Variants in PUM1 observed in about 807,000 individuals in gnomAD.
PUM1 encodes pumilio homolog 1.
Under a neutral mutation model 131.8 loss-of-function variants are expected in PUM1, and 13 were observed. That is an observed-to-expected ratio of 0.10 (90% confidence interval 0.06 to 0.16). The LOEUF (loss-of-function observed/expected upper bound fraction) is 0.16. Among genes scored for constraint, PUM1 ranks in the 10% least tolerant of loss-of-function variants. The pLI is 1.00. For synonymous variants in PUM1, 509 were observed against 556.5 expected (o/e 0.91, Z 1.20); for missense variants, 961 against 1,512.4 (o/e 0.64, Z 6.05).
At chr1:31,027,574 A>G (rs1433525678) in intron 3 of PUM1, among the ~76,000 whole-genome samples, 1 of 152,150 alleles carries the variant, frequency 6.6e-6, no homozygotes, top group African/African-American at 2.4e-5. Flanking sequence ...AGGAAAACAG[A>G]CCAAAAATGC....
chr1:30,937,982 G>C (rs530781548), intron 20 of PUM1, among the ~76,000 whole-genome samples: 20 of 152,042 alleles, frequency 1.3e-4, no homozygotes, highest in African/African-American at 4.1e-4. Flanking sequence ...ATGTTGGTCA[G>C]GCTGGGCTCA....
chr1:30,940,142 T>C (rs1350294033), intron 20 of PUM1, among the ~76,000 whole-genome samples: 1 of 152,200 alleles, frequency 6.6e-6, no homozygotes, highest in Admixed American at 6.5e-5. Flanking sequence ...TTCTTTTCTC[T>C]GTTTTTCCAT....
intron 7 of PUM1, among the ~76,000 whole-genome samples, chr1:30,990,713 C>T (rs1268610456): frequency 1.3e-5 from 2 of 152,034 alleles, no homozygotes; most frequent in African/African-American, 4.8e-5. Context: ...AATTATGGCC[C>T]ATGAGATAAA....
chr1:31,006,118 C>G (rs533699115), intron 4 of PUM1, 87 bp from the exon 5 acceptor site: 1 of 1,240,590 alleles, frequency 8.1e-7, no homozygotes, highest in African/African-American at 1.5e-5. Flanking sequence ...CCAATGGAAT[C>G]AGGAAACTTG....
chr1:31,057,374 C>A (rs1644264262), intron 2 of PUM1, among the ~76,000 whole-genome samples: 1 of 145,438 alleles, frequency 6.9e-6, no homozygotes, highest in Non-Finnish European at 1.5e-5. Flanking sequence ...TCACCACACT[C>A]CAGCCTGGAT....
chr1:30,938,837 C>A (rs879927838), intron 20 of PUM1, among the ~76,000 whole-genome samples: 3 of 152,060 alleles, frequency 2.0e-5, no homozygotes, highest in Non-Finnish European at 4.4e-5. Context: ...CGTACTCCAG[C>A]CTGGGCGACA....
chr1:30,967,235 C>G lies in PUM1; in HGVS notation c.1721G>C (p.Gly574Ala). The G allele has an allele frequency of 1.2e-6, 2 of 1,614,080 alleles. No individual in the cohort carries two copies. Among genetic ancestry groups the G allele is most frequent in the Non-Finnish European group, 1.7e-6 (2 of 1,179,990 alleles). ...ALVVNAGARN[G>A]LGAPVRLVAP... The stretch of plus-strand genomic sequence containing the variant: ...TACAAGTCGAACAGGAGCTCCAAGA[C>G]CATTTCTCGCGCCTGCATTCACTAC... Residue 574 changes from glycine to alanine, a missense_variant, in exon 12 of 22, where the codon GGT becomes GCT. Transcript: ENST00000426105.
intron 7 of PUM1, among the ~76,000 whole-genome samples, chr1:30,992,067 T>A (rs1165571258): frequency 6.6e-6 from 1 of 152,202 alleles, no homozygotes; most frequent in Non-Finnish European, 1.5e-5. Context: ...CACAACCACA[T>A]AAATCTTCAG....
At chr1:31,013,268 C>T (rs746923223) in intron 3 of PUM1, among the ~76,000 whole-genome samples, 19 of 152,128 alleles carry the variant, frequency 1.2e-4, no homozygotes, top group Non-Finnish European at 1.9e-4. Context: ...ACTTGTTTGA[C>T]CATACCGCCA....
chr1:31,033,723 G>A lies in PUM1; in HGVS notation c.364-4859C>T, dbSNP rs555483098. 3.9e-5 allele frequency among the ~76,000 whole-genome samples: 6 copies of A among 151,976 alleles called. No homozygotes were observed. The South Asian group carries it at 1.0e-3, about 26-fold the overall frequency. The stretch of plus-strand genomic sequence containing the variant: ...GTTACCTAGGCTGGAATGCAGTGGC[G>A]CAATCACAGCTCACTACAGCCTCAA... On this transcript the variant is annotated intron_variant, in intron 2 of 21. Coordinates refer to ENST00000426105, the MANE Select transcript of PUM1 (RefSeq NM_001020658.2).
Position 30,952,683 on chromosome 1 carries a change from C to CGGG in PUM1, c.2592-323_2592-321dup, listed in dbSNP as rs1233416238. Among the ~76,000 whole-genome samples, 272 of 41,724 alleles carry CGGG rather than the reference C, an allele frequency of 6.5e-3. 4 individuals carry two copies. The highest frequency in any genetic ancestry group is 0.042 in the South Asian group (35 of 830). The allele number at this position is 41,724 out of a possible 152,430, so 27.4% of individuals were successfully genotyped here. ...GGAGGGAAGATGAAAGCGGGGGGGGCGGGGGGGGGGCGGGAGGGGCAGGGG... is the reference window on the plus strand; with the variant it reads ...GGAGGGAAGATGAAAGCGGGGGGGGCGGGGGGGGGGGGGCGGGAGGGGCAGGGG... On this transcript the variant is annotated intron_variant, in intron 15 of 21. Transcript: ENST00000426105.
At chr1:30,997,084 A>G (rs1296437539) in intron 5 of PUM1, among the ~76,000 whole-genome samples, 3 of 152,212 alleles carry the variant, frequency 2.0e-5, no homozygotes, top group African/African-American at 4.8e-5. Flanking sequence ...GTCAACAGCA[A>G]AAGAATATTA....
chr1:30,935,395 C>T (rs115502358), intron 21 of PUM1, among the ~76,000 whole-genome samples: 113 of 152,348 alleles, frequency 7.4e-4, no homozygotes, highest in African/African-American at 2.6e-3. Flanking sequence ...ACCCTTTCCC[C>T]TGTATTTCTC....
In PUM1 at chr1:31,007,029, C is replaced by T; in HGVS notation, c.506G>A (p.Gly169Asp). ...SKDGPKGIFL[G>D]DQWRDSAWGT... is the part of the protein sequence containing the mutation. ...CCAGGCACTGTCTCGCCATTGATCA[C>T]CCAGGAATATTCCTTTTGGTCCATC... Residue 169 changes from glycine to aspartate, a missense_variant, in exon 4 of 22, where the codon GGT (glycine) becomes GAT (aspartate). Gly to Asp is a moderately conservative substitution (Grantham distance 94). Transcript: ENST00000426105. 1 of 1,613,964 alleles carries T rather than the reference C, an allele frequency of 6.2e-7. No homozygotes were observed. The highest frequency in any genetic ancestry group is 8.5e-7 in the Non-Finnish European group (1 of 1,179,898).
intron 2 of PUM1, among the ~76,000 whole-genome samples, chr1:31,056,609 C>CTTTTCTTTTTTTTTTTTTTTTTTTTTT (rs1644245029): frequency 2.3e-5 from 1 of 43,688 alleles, no homozygotes; most frequent in Non-Finnish European, 4.0e-5. Context: ...CTTTTCTTTT[C>CTTTTCTTTTTTTTTTTTTTTTTTTTTT]TTTTTTTTTT....
intron 7 of PUM1, among the ~76,000 whole-genome samples, chr1:30,989,571 CAAAAAAAAAAAAAA>C (rs1174565063): frequency 6.1e-4 from 17 of 27,702 alleles, no homozygotes; most frequent in East Asian, 3.6e-3. Flanking sequence ...GACTCCGTCT[CAAAAAAAAAAAAAA>C]AAAAAAAAAA....
chr1:31,021,805 A>G (rs1643037109), intron 3 of PUM1, among the ~76,000 whole-genome samples: 1 of 152,180 alleles, frequency 6.6e-6, no homozygotes, highest in East Asian at 1.9e-4. Flanking sequence ...AGGGGAGCTG[A>G]TATCTGAAGC....
intron 7 of PUM1, among the ~76,000 whole-genome samples, chr1:30,985,731 G>C (rs1020926867): frequency 6.6e-6 from 1 of 151,730 alleles, no homozygotes; most frequent in African/African-American, 2.4e-5. Flanking sequence ...AAGATAACAG[G>C]GAAGAAAGAA....
chr1:30,958,606 A>G (rs1640271889), intron 14 of PUM1, among the ~76,000 whole-genome samples: 1 of 152,214 alleles, frequency 6.6e-6, no homozygotes. Flanking sequence ...ATGGGTAGGC[A>G]GGGCATGAAA....
Sources: allele counts gnomAD v4.1 joint callset (sites outside exome capture counted in the v4.1 genomes callset), GRCh38; gene constraint gnomAD v4.1.1; transcripts MANE v1.5; gene names NCBI Gene and HGNC (gene_info 2026-07-23, HGNC 2026-07-21).